The following AGBL1 variants were observed in gnomAD, a reference collection of about 807,000 sequenced individuals.
AGBL1 encodes the protein cytosolic carboxypeptidase 4.
In AGBL1, 130 loss-of-function variants were observed where a neutral mutation model predicts 118.9. That is an observed-to-expected ratio of 1.09 (90% CI 0.95 to 1.26). The LOEUF (loss-of-function observed/expected upper bound fraction) is 1.26. Among genes scored for constraint, AGBL1 ranks in the 50% most tolerant of loss-of-function variants. The pLI is 0.00. For missense variants in AGBL1, 1,584 were observed against 1,298.1 expected (o/e 1.22, Z -3.38); for synonymous variants, 555 against 478.9 (o/e 1.16, Z -2.08).
chr15:86,456,907 T>C (rs1186704831), intron 18 of AGBL1, among the ~76,000 whole-genome samples: 1 of 152,208 alleles, frequency 6.6e-6, no homozygotes, highest in Non-Finnish European at 1.5e-5. Flanking sequence ...AACATTTGAA[T>C]ATCTTCAAAA....
chr15:86,400,572 C>T (rs140769432), intron 18 of AGBL1, among the ~76,000 whole-genome samples: 2 of 150,760 alleles, frequency 1.3e-5, no homozygotes, highest in East Asian at 3.9e-4. Context: ...GAGCAGTGTA[C>T]ATTGTACCCA....
intron 22 of AGBL1, among the ~76,000 whole-genome samples, chr15:86,841,154 C>G (rs1181636647): frequency 6.6e-6 from 1 of 152,184 alleles, no homozygotes; most frequent in East Asian, 1.9e-4. Context: ...ACAGGCAGCT[C>G]AGCATTTCTT....
Position 86,636,738 on chromosome 15 carries a change from TATATATATATATATATATATACAC to T in AGBL1, c.2995-37531_2995-37508del, listed in dbSNP as rs1480375681. Among the ~76,000 whole-genome samples, 250 of 52,138 alleles carry T rather than the reference TATATATATATATATATATATACAC, an allele frequency of 4.8e-3. 6 individuals are homozygous for T. Among genetic ancestry groups the T allele is most frequent in the African/African-American group, 0.023 (243 of 10,640 alleles). The allele number at this position is 52,138 out of a possible 152,430, so 34.2% of individuals were successfully genotyped here. Reference sequence around the variant, plus strand: ...ATATATATATATATATATATATATATATATATATATATATATATATACACATACATACAGAAAGGCAAGAGAAGA... The same window carrying T: ...ATATATATATATATATATATATATATATACATACAGAAAGGCAAGAGAAGA... On this transcript the variant is annotated intron_variant, in intron 21 of 22. Coordinates refer to ENST00000614907, the MANE Select transcript of AGBL1 (RefSeq NM_001386094.1).
chr15:86,144,467 G>A (rs889740847), intron 3 of AGBL1, among the ~76,000 whole-genome samples: 2 of 152,150 alleles, frequency 1.3e-5, no homozygotes, highest in Non-Finnish European at 2.9e-5. Context: ...ATACACCATG[G>A]AATACTATAC....
chr15:86,103,329 T>C lies in AGBL1; in HGVS notation c.51+23306T>C, dbSNP rs140239743. 3.4e-3 allele frequency among the ~76,000 whole-genome samples: 511 copies of C among 152,298 alleles called. 16 individuals carry two copies. In the South Asian group the frequency reaches 0.066, roughly 20 times the overall value. ...CTTTAATATCAATATGTTGAATTCT[T>C]TTTCTGGGATTTTGTAAATTTCCTT... On this transcript the variant is annotated intron_variant, in intron 1 of 22. Transcript: ENST00000614907.
intron 23 of AGBL1, among the ~76,000 whole-genome samples, chr15:86,977,406 A>AT (rs1295083094): frequency 6.7e-6 from 1 of 149,490 alleles, no homozygotes; most frequent in Non-Finnish European, 1.5e-5. Context: ...TTTTTTTACT[A>AT]TTGTGATACA....
At chr15:86,165,497 A>C (rs1237596279) in intron 5 of AGBL1, among the ~76,000 whole-genome samples, 1 of 152,180 alleles carries the variant, frequency 6.6e-6, no homozygotes. Context: ...AGCCAGAGCT[A>C]ATGGATTCCA....
chr15:86,699,365 A>G (rs2086317300), intron 22 of AGBL1, among the ~76,000 whole-genome samples: 1 of 152,094 alleles, frequency 6.6e-6, no homozygotes, highest in African/African-American at 2.4e-5. Context: ...ATGGCAATTA[A>G]TAATGTAAAA....
intron 4 of AGBL1, 51 bp from the exon 5 acceptor site, chr15:86,158,882 C>G: frequency 6.5e-7 from 1 of 1,531,092 alleles, no homozygotes; most frequent in East Asian, 2.3e-5. Flanking sequence ...TTGTCTTGAG[C>G]CTTAACTCAT....
intron 1 of AGBL1, chr15:86,104,988 C>T (rs1000592634): frequency 1.3e-5 from 2 of 152,172 alleles, no homozygotes; most frequent in Non-Finnish European, 2.9e-5. Flanking sequence ...TGGGGAGCCT[C>T]TCCAGGATCC....
chr15:86,877,923 A>T (rs2079834484), intron 22 of AGBL1, among the ~76,000 whole-genome samples: 1 of 152,188 alleles, frequency 6.6e-6, no homozygotes, highest in Non-Finnish European at 1.5e-5. Context: ...CTAATGACAC[A>T]TGTCTGTGTT....
rs550596657 is a variant in AGBL1 at position 86,875,671 on chromosome 15, C to G, written c.3159-31416C>G. On this transcript the variant is annotated intron_variant, in intron 22 of 22. Transcript: ENST00000614907. ...AGGATATTGAACCCCTGGCTTTCCT[C>G]CAACTTTCTGGCCTCCATGTTCAAA... Among the ~76,000 whole-genome samples, 83 of 152,318 alleles carry G rather than the reference C, an allele frequency of 5.4e-4. No individual in the cohort carries two copies. The South Asian group carries it at 0.015, about 28-fold the overall frequency.
At chr15:86,409,223 C>G (rs933851716) in intron 18 of AGBL1, among the ~76,000 whole-genome samples, 3 of 152,148 alleles carry the variant, frequency 2.0e-5, no homozygotes, top group Non-Finnish European at 2.9e-5. Flanking sequence ...CCGTCCAAAC[C>G]TCTGTCCATA....
intron 1 of AGBL1, among the ~76,000 whole-genome samples, chr15:86,128,325 C>A (rs892511953): frequency 1.3e-5 from 2 of 152,030 alleles, no homozygotes; most frequent in African/African-American, 4.8e-5. Context: ...ACCACAAGAA[C>A]AGTATGGGGG....
At chr15:86,738,093 G>A (rs1352417438) in intron 22 of AGBL1, among the ~76,000 whole-genome samples, 5 of 151,854 alleles carry the variant, frequency 3.3e-5, no homozygotes, top group Non-Finnish European at 4.4e-5. Flanking sequence ...TGTGTCTATT[G>A]AGATAAAAAT....
intron 22 of AGBL1, among the ~76,000 whole-genome samples, chr15:86,873,029 G>A (rs1488920444): frequency 1.3e-5 from 2 of 152,156 alleles, no homozygotes; most frequent in Non-Finnish European, 2.9e-5. Context: ...CTGTCTTTGT[G>A]ATTATACTCT....
chr15:86,785,170 C>A (rs2078389661), intron 22 of AGBL1, among the ~76,000 whole-genome samples: 1 of 151,830 alleles, frequency 6.6e-6, no homozygotes, highest in African/African-American at 2.4e-5. Context: ...AGAGCCAGGG[C>A]ACAGCTGTAG....
chr15:86,970,478 C>G (rs2081095874), intron 23 of AGBL1, among the ~76,000 whole-genome samples: 1 of 151,902 alleles, frequency 6.6e-6, no homozygotes, highest in African/African-American at 2.4e-5. Flanking sequence ...GTCAGTTTTA[C>G]TAAGGCAGAA....
At chr15:86,268,184 A>G (rs1474067563) in intron 13 of AGBL1, among the ~76,000 whole-genome samples, 1 of 152,082 alleles carries the variant, frequency 6.6e-6, no homozygotes, top group Non-Finnish European at 1.5e-5. Context: ...TTCATTTTTG[A>G]AGTTCTTCCT....
Sources: gnomAD v4.1 joint callset for allele counts (sites outside exome capture counted in the v4.1 genomes callset) on GRCh38, gnomAD v4.1.1 for gene constraint, MANE v1.5 for transcripts, NCBI Gene and HGNC (gene_info 2026-07-23, HGNC 2026-07-21) for gene names.